EXOC3: variants seen among roughly 807,000 people sequenced by gnomAD.
The protein encoded by EXOC3 is SEC6-like 1.
In EXOC3, 21 loss-of-function variants were observed where a neutral mutation model predicts 73.7. That is an observed-to-expected ratio of 0.29 (90% confidence interval 0.20 to 0.41). The LOEUF (loss-of-function observed/expected upper bound fraction) is 0.41, where lower values mean the gene tolerates loss of function less well. EXOC3 is among the 10% of genes least tolerant of loss of function. The pLI is 1.00. For missense variants in EXOC3, 842 were observed against 985.1 expected (o/e 0.85, Z 1.95); for synonymous variants, 410 against 389.1 (o/e 1.05, Z -0.63).
chr5:448,430 C>A (rs370955233), intron 3 of EXOC3, among the ~76,000 whole-genome samples: 1 of 152,186 alleles, frequency 6.6e-6, no homozygotes, highest in East Asian at 1.9e-4. Context: ...CCTTGGTCCC[C>A]GCTCTGTGTC....
intron 1 of EXOC3, among the ~76,000 whole-genome samples, chr5:444,044 C>T (rs761408253): frequency 6.6e-6 from 1 of 151,986 alleles, no homozygotes; most frequent in Non-Finnish European, 1.5e-5. Context: ...AGGGTCCCTC[C>T]TGGCAGAGGT....
chr5:461,363 C>A (rs535587679), intron 7 of EXOC3, among the ~76,000 whole-genome samples: 13 of 152,184 alleles, frequency 8.5e-5, no homozygotes, highest in African/African-American at 3.1e-4. Context: ...GCCTGTAATC[C>A]CAGCACTTTG....
chr5:450,599 T>G (rs1737634506), intron 3 of EXOC3, among the ~76,000 whole-genome samples: 1 of 152,204 alleles, frequency 6.6e-6, no homozygotes, highest in Admixed American at 6.5e-5. Context: ...TTCTGTCTGC[T>G]TGTTCTGTCC....
intron 3 of EXOC3, among the ~76,000 whole-genome samples, chr5:448,272 T>C (rs765478083): frequency 1.3e-5 from 2 of 152,184 alleles, no homozygotes; most frequent in African/African-American, 4.8e-5. Flanking sequence ...GTCTTCTCCC[T>C]GAATGCCTCA....
intron 3 of EXOC3, among the ~76,000 whole-genome samples, chr5:449,344 G>C (rs1487701263): frequency 6.6e-6 from 1 of 152,118 alleles, no homozygotes; most frequent in Non-Finnish European, 1.5e-5. Context: ...TGTACAGTTG[G>C]GGACTATTAA....
intron 1 of EXOC3, among the ~76,000 whole-genome samples, chr5:444,571 TAAG>T (rs893055517): frequency 6.6e-5 from 10 of 152,064 alleles, no homozygotes; most frequent in African/African-American, 2.4e-4. Flanking sequence ...CCAAACAAAA[TAAG>T]AAAACAAAAG....
intron 6 of EXOC3, among the ~76,000 whole-genome samples, chr5:458,833 C>T (rs758254046): frequency 2.6e-5 from 4 of 152,316 alleles, no homozygotes; most frequent in African/African-American, 4.8e-5. Context: ...TGAATGATAC[C>T]GTTAGTTATT....
intron 7 of EXOC3, 65 bp from the exon 8 acceptor site, chr5:461,895 C>T (rs1002302504): frequency 1.5e-5 from 17 of 1,120,642 alleles, no homozygotes; most frequent in Admixed American, 1.0e-4. Context: ...GTGACGTCAG[C>T]GTGGCATTTG....
At chr5:455,088 C>G (rs1159731813) in intron 4 of EXOC3, among the ~76,000 whole-genome samples, 1 of 143,724 alleles carries the variant, frequency 7.0e-6, no homozygotes, top group Non-Finnish European at 1.5e-5. Flanking sequence ...GCCCTGGACT[C>G]ACCTCCCCTG....
chr5:450,305 G>C (rs1737626745), intron 3 of EXOC3, among the ~76,000 whole-genome samples: 1 of 152,146 alleles, frequency 6.6e-6, no homozygotes, highest in South Asian at 2.1e-4. Context: ...CCCATTAATT[G>C]TTTAAGAGTA....
chr5:450,990 C>T (rs1737645156), intron 3 of EXOC3, among the ~76,000 whole-genome samples: 1 of 152,050 alleles, frequency 6.6e-6, no homozygotes, highest in Non-Finnish European at 1.5e-5. Context: ...TTGTCTACCT[C>T]TTTTGATTGA....
chr5:457,785 G>A lies in EXOC3; in HGVS notation c.1165-115G>A. The A allele has an allele frequency of 2.6e-6, 3 of 1,156,802 alleles. No homozygotes were observed. In the South Asian group the frequency reaches 4.6e-5, roughly 18 times the overall value. 71.7% of individuals were successfully genotyped at this position (1,156,802 alleles called of 1,614,324 possible). On this transcript the variant is annotated intron_variant, in intron 5 of 12. Coordinates refer to ENST00000512944, the MANE Select transcript of EXOC3 (RefSeq NM_007277.5). ...GTCCTCATTTGAGAAAGAGGACGCT[G>A]GTGCCCTGTGTCTGGTTTGTGGAGC...
At chr5:443,820 G>T (rs557522044) in intron 1 of EXOC3, among the ~76,000 whole-genome samples, 2 of 151,620 alleles carry the variant, frequency 1.3e-5, no homozygotes, top group East Asian at 3.9e-4. Flanking sequence ...CCCCCCAGGC[G>T]CAGTTGTCCT....
Position 446,305 on chromosome 5 carries a change from A to G in EXOC3, c.100A>G (p.Arg34Gly), listed in dbSNP as rs774288808. 1 of 1,613,682 alleles carries G rather than the reference A, an allele frequency of 6.2e-7. No individual in the cohort carries two copies. ...GCTGGACAAGGTGGAGCAGTATCGC[A>G]GGAGAGAAGCGCGGAAGAAGGCCTC... ...DQLDKVEQYR[R>G]REARKKASVE... Residue 34 changes from arginine (R) to glycine (G), a missense_variant, in exon 2 of 13, where the codon AGG becomes GGG. Coordinates refer to ENST00000512944, the MANE Select transcript of EXOC3 (RefSeq NM_007277.5).
At chr5:455,787 A>G (rs2672733) in intron 4 of EXOC3, among the ~76,000 whole-genome samples, 85,558 of 152,090 alleles carry the variant, frequency 0.56, 25,110 homozygotes, top group African/African-American at 0.75. Flanking sequence ...TGTATTTTTA[A>G]TAGAGATGGG....
intron 3 of EXOC3, among the ~76,000 whole-genome samples, chr5:450,381 A>C (rs1240482949): frequency 6.6e-6 from 1 of 152,152 alleles, no homozygotes; most frequent in African/African-American, 2.4e-5. Flanking sequence ...TTCTAATGTC[A>C]TCTGTTGAGT....
chr5:465,307 T>C (rs1237653388), intron 11 of EXOC3, 35 bp downstream of exon 11: 6 of 1,555,394 alleles, frequency 3.9e-6, no homozygotes, highest in Non-Finnish European at 5.2e-6. Flanking sequence ...GGAGAAGGCC[T>C]GTCGCTCCGC....
intron 7 of EXOC3, among the ~76,000 whole-genome samples, chr5:459,793 A>C (rs1303609391): frequency 1.3e-5 from 2 of 152,234 alleles, no homozygotes; most frequent in East Asian, 1.9e-4. Flanking sequence ...CTCCTGCCGC[A>C]GTGCCTACTT....
At chr5:444,988 T>C (rs1471273918) in intron 1 of EXOC3, 3 of 152,196 alleles carry the variant, frequency 2.0e-5, no homozygotes, top group Non-Finnish European at 2.9e-5. Flanking sequence ...AAGGTTGCAA[T>C]GTAGGTCCAG....
Sources: allele counts gnomAD v4.1 joint callset (sites outside exome capture counted in the v4.1 genomes callset), GRCh38; gene constraint gnomAD v4.1.1; transcripts MANE v1.5; gene names NCBI Gene and HGNC (gene_info 2026-07-23, HGNC 2026-07-21).